The following IMPG1 variants were observed in gnomAD, a reference collection of about 807,000 sequenced individuals.
The protein encoded by IMPG1 is interphotoreceptor matrix proteoglycan of 150 kDa.
In IMPG1, 85 loss-of-function variants were observed where a neutral mutation model predicts 92.0. That is an observed-to-expected ratio of 0.92 (90% CI 0.78 to 1.11). The LOEUF (loss-of-function observed/expected upper bound fraction) is 1.11. IMPG1 is among the 50% of genes least tolerant of loss of function. IMPG1 has a pLI of 0.00. For synonymous variants in IMPG1, 367 were observed against 334.1 expected, an observed-to-expected ratio of 1.10 and a Z score of -1.08; for missense variants, 1,022 against 956.0, an observed-to-expected ratio of 1.07 and a Z score of -0.91.
At chr6:76,036,280 A>G (rs1199666848) in intron 2 of IMPG1, among the ~76,000 whole-genome samples, 3 of 152,240 alleles carry the variant, frequency 2.0e-5, no homozygotes, top group Admixed American at 6.5e-5. Flanking sequence ...GAGCAAAACC[A>G]AAGCAATCAC....
chr6:76,000,096 T>C (rs1204365682), intron 12 of IMPG1, among the ~76,000 whole-genome samples: 1 of 152,248 alleles, frequency 6.6e-6, no homozygotes, highest in Non-Finnish European at 1.5e-5. Flanking sequence ...GCAATTACCA[T>C]GCTGTAAGCA....
chr6:75,948,032 G>A (rs1321657330), intron 13 of IMPG1, among the ~76,000 whole-genome samples: 4 of 152,070 alleles, frequency 2.6e-5, no homozygotes, highest in South Asian at 2.1e-4. Context: ...AATATTTCCC[G>A]GCCAACACAA....
At chr6:75,998,501 A>T (rs1006961015) in intron 12 of IMPG1, among the ~76,000 whole-genome samples, 2 of 152,254 alleles carry the variant, frequency 1.3e-5, no homozygotes, top group Non-Finnish European at 2.9e-5. Context: ...CTAGATGGGC[A>T]ATAAAAGACA....
intron 12 of IMPG1, among the ~76,000 whole-genome samples, chr6:75,974,368 TTTCTTTC>T (rs1242025255): frequency 9.0e-6 from 1 of 111,224 alleles, no homozygotes; most frequent in African/African-American, 3.2e-5. Context: ...TCTTTCTTTC[TTTCTTTC>T]TTTCTTTCTT....
intron 12 of IMPG1, among the ~76,000 whole-genome samples, chr6:75,973,826 G>C (rs1782460896): frequency 6.6e-6 from 1 of 152,184 alleles, no homozygotes. Flanking sequence ...AGGACACATA[G>C]GGTACTTTGG....
At chr6:75,959,017 T>C (rs1782172427) in intron 12 of IMPG1, among the ~76,000 whole-genome samples, 1 of 152,222 alleles carries the variant, frequency 6.6e-6, no homozygotes, top group African/African-American at 2.4e-5. Context: ...TGTGGATTTA[T>C]CTACCTTTGG....
chr6:76,002,997 C>T lies in IMPG1; in HGVS notation c.1213-1G>A. On this transcript the variant is annotated splice_acceptor_variant, in intron 11 of 16. Coordinates refer to ENST00000369950, the MANE Select transcript of IMPG1 (RefSeq NM_001563.4). LOFTEE classifies it high-confidence loss of function. The stretch of plus-strand genomic sequence containing the variant: ...GAAGTTCTGGACTCAAAGTAGCATC[C>T]TGAAGAATGAATTTTGCAAGACAGA... 6.2e-7 allele frequency: 1 copy of T among 1,611,214 alleles called. No homozygotes were observed. The highest frequency in any genetic ancestry group is 8.5e-7 in the Non-Finnish European group (1 of 1,177,590).
At chr6:75,954,288 T>C (rs564723074) in intron 12 of IMPG1, among the ~76,000 whole-genome samples, 28 of 152,356 alleles carry the variant, frequency 1.8e-4, no homozygotes, top group African/African-American at 6.0e-4. Flanking sequence ...TTTTCTGACT[T>C]TTTAATGATC....
At chr6:76,032,107 C>T (rs1167003452) in intron 4 of IMPG1, among the ~76,000 whole-genome samples, 2 of 152,122 alleles carry the variant, frequency 1.3e-5, no homozygotes, top group Admixed American at 1.3e-4. Flanking sequence ...GTAAACATAG[C>T]TAATGTAAAA....
chr6:76,064,345 A>G (rs112531343), intron 1 of IMPG1, among the ~76,000 whole-genome samples: 2 of 144,622 alleles, frequency 1.4e-5, no homozygotes, highest in African/African-American at 5.1e-5. Context: ...TTTAGTGGAG[A>G]GCCATGGGGC....
chr6:76,018,935 GATA>G, intron 6 of IMPG1, 77 bp from the exon 7 acceptor site: 1 of 1,331,924 alleles, frequency 7.5e-7, no homozygotes, highest in Non-Finnish European at 1.0e-6. Context: ...AATATATGTT[GATA>G]CTGTCTCAAG....
Position 76,005,468 on chromosome 6 carries a change from A to T in IMPG1, c.954T>A (p.Pro318=). 1.2e-6 allele frequency: 2 copies of T among 1,614,008 alleles called. No individual in the cohort carries two copies. The highest frequency in any genetic ancestry group is 1.7e-6 in the Non-Finnish European group (2 of 1,179,948). ...AATCAAAAGACAGGAGGTCACTTGC[A>T]GGGCTTTTTGCTTCTGCACTGTGTC... The part of the protein sequence containing the change: ...FKRHSAEAKS[P]ASDLLSFDSN... The change falls in exon 10 of 17, where the codon CCT becomes CCA. Residue 318 remains proline, a synonymous_variant. Coordinates refer to ENST00000369950, the MANE Select transcript of IMPG1 (RefSeq NM_001563.4).
rs1256206880 is a variant in IMPG1, at chr6:76,025,093, T to A, written c.562+101A>T. 4 of 746,108 alleles carry A rather than the reference T, an allele frequency of 5.4e-6. No homozygotes were observed. In the African/African-American group the frequency reaches 7.1e-5, roughly 13 times the overall value. The allele number at this position is 746,108 out of a possible 1,614,324, so 46.2% of individuals were successfully genotyped here. On this transcript the variant is annotated intron_variant, in intron 5 of 16. Transcript: ENST00000369950. The stretch of plus-strand genomic sequence containing the variant: ...TATAAGCTAGTTTTGAGAAAGTACA[T>A]TATAAACATTATCTTTAATTAGGAA...
intron 12 of IMPG1, 115 bp downstream of exon 12, chr6:76,002,803 G>C: frequency 1.3e-6 from 1 of 770,124 alleles, no homozygotes. Flanking sequence ...TGGTGGCAGT[G>C]AACCTTTTCC....
At chr6:76,049,701 C>T (rs916136480) in intron 1 of IMPG1, among the ~76,000 whole-genome samples, 3 of 152,070 alleles carry the variant, frequency 2.0e-5, no homozygotes, top group Non-Finnish European at 2.9e-5. Flanking sequence ...TGTAACAAAA[C>T]AGACAATTTG....
intron 4 of IMPG1, 51 bp from the exon 5 acceptor site, chr6:76,025,309 A>G: frequency 1.1e-6 from 1 of 944,770 alleles, no homozygotes; most frequent in Non-Finnish European, 1.7e-6. Flanking sequence ...GAACTTGATG[A>G]CAGTAGAGAA....
At chr6:75,958,034 C>G (rs142314818) in intron 12 of IMPG1, among the ~76,000 whole-genome samples, 1 of 152,150 alleles carries the variant, frequency 6.6e-6, no homozygotes, top group Non-Finnish European at 1.5e-5. Flanking sequence ...GTTTTTGCAG[C>G]GGCTGTTACC....
chr6:76,035,024 G>T (rs2149488195), intron 2 of IMPG1, among the ~76,000 whole-genome samples: 1 of 152,112 alleles, frequency 6.6e-6, no homozygotes, highest in South Asian at 2.1e-4. Context: ...GTGCGTGTGT[G>T]TGTGTGTGCA....
At chr6:75,995,845 C>T (rs961412983) in intron 12 of IMPG1, among the ~76,000 whole-genome samples, 2 of 152,192 alleles carry the variant, frequency 1.3e-5, no homozygotes, top group African/African-American at 4.8e-5. Context: ...CTGGTATCAT[C>T]CCTGAAATAA....
Sources: allele counts gnomAD v4.1 joint callset (sites outside exome capture counted in the v4.1 genomes callset), GRCh38; gene constraint gnomAD v4.1.1; transcripts MANE v1.5; gene names NCBI Gene and HGNC (gene_info 2026-07-23, HGNC 2026-07-21).